The following ADCY3 variants were observed in gnomAD, a reference collection of about 807,000 sequenced individuals.
The protein encoded by ADCY3 is adenylate cyclase 3, also known as adenylate cyclase type 3.
ADCY3 carries 70 observed loss-of-function variants against 119.4 expected under a neutral mutation model. The observed-to-expected ratio is 0.59, with a 90% CI of 0.48 to 0.72. The LOEUF (loss-of-function observed/expected upper bound fraction) is 0.72, where lower values mean the gene tolerates loss of function less well. Ranked by LOEUF, ADCY3 falls within the 30% of genes least tolerant of loss-of-function variation. The pLI is 0.00. For missense variants in ADCY3, 1,238 were observed against 1,541.6 expected (o/e 0.80, Z 3.30); for synonymous variants, 672 against 621.4 (o/e 1.08, Z -1.21).
intron 11 of ADCY3, among the ~76,000 whole-genome samples, chr2:24,833,544 T>G (rs1042561965): frequency 5.9e-5 from 9 of 152,260 alleles, no homozygotes; most frequent in African/African-American, 2.2e-4. Flanking sequence ...TCCCTGTGTC[T>G]GCAGTACTTA....
intron 2 of ADCY3, among the ~76,000 whole-genome samples, chr2:24,882,984 C>T (rs141456323): frequency 0.015 from 2,229 of 151,702 alleles, 27 homozygotes; most frequent in Non-Finnish European, 0.02. Flanking sequence ...TGCTTGAGCC[C>T]GGGAGGCAGA....
chr2:24,904,394 G>T (rs1679242417), intron 2 of ADCY3, among the ~76,000 whole-genome samples: 1 of 152,046 alleles, frequency 6.6e-6, no homozygotes, highest in South Asian at 2.1e-4. Context: ...GCCAGGTGTG[G>T]TGGCACATGC....
chr2:24,896,213 A>G (rs1416496088), intron 2 of ADCY3, among the ~76,000 whole-genome samples: 1 of 152,106 alleles, frequency 6.6e-6, no homozygotes, highest in Non-Finnish European at 1.5e-5. Flanking sequence ...GCGAAACCCC[A>G]TCTCTACTAA....
intron 3 of ADCY3, among the ~76,000 whole-genome samples, chr2:24,867,465 T>C (rs897823037): frequency 6.6e-6 from 1 of 152,246 alleles, no homozygotes. Flanking sequence ...CCCACCCTTC[T>C]GCCATGTATG....
chr2:24,819,775 C>T lies in ADCY3; in HGVS notation c.*157G>A, dbSNP rs1667264247. On this transcript the variant is annotated 3_prime_UTR_variant, in exon 22 of 22. Coordinates refer to ENST00000679454, the MANE Select transcript of ADCY3 (RefSeq NM_004036.5). ...CACACACAGGAATAGCAGGGCCACCCTCAGAGCTCACACATCCACGAACAA... is the reference window on the plus strand; with the variant it reads ...CACACACAGGAATAGCAGGGCCACCTTCAGAGCTCACACATCCACGAACAA... 2.6e-6 allele frequency: 2 copies of T among 776,280 alleles called. No homozygotes were observed. The highest frequency in any genetic ancestry group is 5.6e-5 in the East Asian group (2 of 35,948). The allele number at this position is 776,280 out of a possible 1,614,324, so 48.1% of individuals were successfully genotyped here.
At chr2:24,887,440 A>G (rs1203615123) in intron 2 of ADCY3, among the ~76,000 whole-genome samples, 1 of 152,146 alleles carries the variant, frequency 6.6e-6, no homozygotes. Flanking sequence ...AGACCAGGCC[A>G]GCCACTGCAC....
intron 2 of ADCY3, among the ~76,000 whole-genome samples, chr2:24,914,915 C>G (rs78989253): frequency 0.097 from 14,818 of 152,086 alleles, 860 homozygotes; most frequent in African/African-American, 0.14. Flanking sequence ...CCACCCCATC[C>G]CACACTCCCT....
intron 7 of ADCY3, among the ~76,000 whole-genome samples, chr2:24,839,369 G>A (rs891470451): frequency 6.6e-6 from 1 of 152,234 alleles, no homozygotes; most frequent in African/African-American, 2.4e-5. Context: ...TGGCCCAGAT[G>A]GGGAAGGCTG....
intron 19 of ADCY3, 139 bp downstream of exon 19, chr2:24,822,372 T>C: frequency 2.5e-6 from 3 of 1,222,898 alleles, no homozygotes; most frequent in Non-Finnish European, 3.4e-6. Flanking sequence ...TATTTCTTAT[T>C]TATATTTACG....
In ADCY3 at chr2:24,904,463, G is replaced by A. The variant is rs1360299652; in HGVS notation, c.675+13850C>T. On this transcript the variant is annotated intron_variant, in intron 2 of 21. Coordinates refer to ENST00000679454, the MANE Select transcript of ADCY3 (RefSeq NM_004036.5). ...TTGAACCCGGGAGGCAGAGGCTGCA[G>A]TGAGCCGAGATCGTGCCCCTGCACT... Among the ~76,000 whole-genome samples, 6 of 152,176 alleles carry A rather than the reference G, an allele frequency of 3.9e-5. No individual in the cohort carries two copies. The South Asian group carries it at 1.0e-3, about 26-fold the overall frequency.
chr2:24,890,822 A>G (rs1677566218), intron 2 of ADCY3, among the ~76,000 whole-genome samples: 1 of 151,720 alleles, frequency 6.6e-6, no homozygotes, highest in Non-Finnish European at 1.5e-5. Context: ...TTCTACTTCA[A>G]TCTAAAGGTT....
intron 3 of ADCY3, among the ~76,000 whole-genome samples, chr2:24,849,544 A>G (rs529941402): frequency 6.6e-6 from 1 of 152,346 alleles, no homozygotes; most frequent in South Asian, 2.1e-4. Flanking sequence ...CTGAAAGCAG[A>G]AAATCAAACT....
Position 24,912,548 on chromosome 2 carries a change from CGCATGTGTGTGTGTGTGT to C in ADCY3, c.675+5747_675+5764del, listed in dbSNP as rs753397610. ...GGCAGACCAAGCCCAGGAGTGAGCACGCATGTGTGTGTGTGTGTGCATGTGTGTGTGTGTGTGCATGTG... is the reference window on the plus strand; with the variant it reads ...GGCAGACCAAGCCCAGGAGTGAGCACGCATGTGTGTGTGTGTGTGCATGTG... On this transcript the variant is annotated intron_variant, in intron 2 of 21. Coordinates refer to ENST00000679454, the MANE Select transcript of ADCY3 (RefSeq NM_004036.5). 1.5e-3 allele frequency among the ~76,000 whole-genome samples: 225 copies of C among 149,150 alleles called. 1 individual carries two copies. Among genetic ancestry groups the C allele is most frequent in the South Asian group, 5.7e-3 (27 of 4,698 alleles).
At chr2:24,877,769 C>G (rs2148851423) in intron 2 of ADCY3, among the ~76,000 whole-genome samples, 1 of 152,384 alleles carries the variant, frequency 6.6e-6, no homozygotes, top group East Asian at 1.9e-4. Context: ...TGCACACACA[C>G]AGGCACCATC....
intron 3 of ADCY3, among the ~76,000 whole-genome samples, chr2:24,859,593 C>T (rs1673399559): frequency 6.6e-6 from 1 of 152,230 alleles, no homozygotes. Context: ...GAAGAACATT[C>T]AGAAAAGCAA....
rs1306951415 is a variant in ADCY3 at position 24,919,796 on chromosome 2, G to C, written c.-311C>G. ...CGCAGAGCCGCGCCGCCCCGGCAGC[G>C]CCTCGGGGCCCGGCCGGAGCGCGAT... On this transcript the variant is annotated 5_prime_UTR_variant, in exon 1 of 22. Coordinates refer to ENST00000679454, the MANE Select transcript of ADCY3 (RefSeq NM_004036.5). This position sits in a 1 kb window ranked among gnomAD's most constrained non-coding sequence, Gnocchi z 5.5. The C allele has an allele frequency of 6.6e-6, 1 of 151,284 alleles. No individual in the cohort carries two copies. The allele number at this position is 151,284 out of a possible 1,614,324, so 9.4% of individuals were successfully genotyped here.
At chr2:24,891,550 G>C (rs1229961001) in intron 2 of ADCY3, among the ~76,000 whole-genome samples, 1 of 152,188 alleles carries the variant, frequency 6.6e-6, no homozygotes, top group Non-Finnish European at 1.5e-5. Context: ...ATGCCAAAGA[G>C]AAGCCATAAA....
chr2:24,823,176 A>G, intron 18 of ADCY3, 33 bp downstream of exon 18: 3 of 1,595,522 alleles, frequency 1.9e-6, no homozygotes, highest in Non-Finnish European at 2.6e-6. Flanking sequence ...GGCCGGCTTC[A>G]TGGCCAGAGT....
rs1263830392 is a variant in ADCY3 at position 24,919,630 on chromosome 2, C to G, written c.-198+53G>C. ...GGGCTCCGATCCGGCCCCCTTCCCA[C>G]GCTCGGGGCGCTGTCTTCCCCCCCG... On this transcript the variant is annotated intron_variant, in intron 1 of 21. Coordinates refer to ENST00000679454, the MANE Select transcript of ADCY3 (RefSeq NM_004036.5). This position sits in a 1 kb window ranked among gnomAD's most constrained non-coding sequence, Gnocchi z 5.5. 6.6e-6 allele frequency: 1 copy of G among 152,422 alleles called. No individual in the cohort carries two copies. Among genetic ancestry groups the G allele is most frequent in the African/African-American group, 2.4e-5 (1 of 41,474 alleles). 9.4% of individuals were successfully genotyped at this position (152,422 alleles called of 1,614,324 possible).
Sources: gnomAD v4.1 joint callset for allele counts (sites outside exome capture counted in the v4.1 genomes callset) on GRCh38, gnomAD v4.1.1 for gene constraint, Gnocchi (gnomAD v3.1) non-coding constraint, MANE v1.5 for transcripts, NCBI Gene and HGNC (gene_info 2026-07-23, HGNC 2026-07-21) for gene names.